The following TTC22 variants were observed in gnomAD, a reference collection of about 807,000 sequenced individuals.
TTC22 encodes tetratricopeptide repeat domain 22.
In TTC22, 42 loss-of-function variants were observed where a neutral mutation model predicts 48.2. The ratio of observed to expected loss-of-function variants is 0.87; its 90% CI spans 0.68 to 1.13. The LOEUF (loss-of-function observed/expected upper bound fraction) is 1.13. Ranked by LOEUF, TTC22 falls within the 50% of genes most tolerant of loss-of-function variation. TTC22 has a pLI of 0.00. For missense variants in TTC22, 784 were observed against 807.0 expected (o/e 0.97, Z 0.34); for synonymous variants, 345 against 365.5 (o/e 0.94, Z 0.64).
At position 54,784,997 on chromosome 1, in the gene TTC22, T is replaced by C. The variant is rs571497085; in HGVS notation, c.1020+986A>G. ...ATGCCTAATATTAAATTAGTAGCAG[T>C]CAGTCTCTTATGAAATCTTACTGTG... On this transcript the variant is annotated intron_variant, in intron 5 of 6. Coordinates refer to ENST00000371276, the MANE Select transcript of TTC22 (RefSeq NM_001114108.2). 3.1e-5 allele frequency: 7 copies of C among 228,914 alleles called. No homozygotes were observed. In the East Asian group the frequency reaches 1.2e-3, roughly 38 times the overall value. The allele number at this position is 228,914 out of a possible 1,614,324, so 14.2% of individuals were successfully genotyped here. A position where few individuals can be genotyped will look rare whatever the true frequency, so the allele number is the denominator to read the frequency against.
At chr1:54,785,902 C>G in intron 5 of TTC22, 81 bp downstream of exon 5, 1 of 1,411,398 alleles carries the variant, frequency 7.1e-7, no homozygotes, top group Non-Finnish European at 9.7e-7. Flanking sequence ...ACCCTTGGGC[C>G]CTGGCAACAG....
intron 1 of TTC22, among the ~76,000 whole-genome samples, chr1:54,797,565 T>A (rs928850820): frequency 1.3e-5 from 2 of 152,076 alleles, no homozygotes; most frequent in African/African-American, 4.8e-5. Flanking sequence ...AGAGAATTGC[T>A]TGAACCCGGG....
chr1:54,781,119 C>G lies in TTC22; in HGVS notation c.*124G>C, dbSNP rs1646257725. 1 of 676,022 alleles carries G rather than the reference C, an allele frequency of 1.5e-6. No homozygotes were observed. The highest frequency in any genetic ancestry group is 2.2e-6 in the Non-Finnish European group (1 of 463,086). 41.9% of individuals were successfully genotyped at this position (676,022 alleles called of 1,614,324 possible). On this transcript the variant is annotated 3_prime_UTR_variant, in exon 7 of 7. Transcript: ENST00000371276. Reference sequence around the variant, plus strand: ...AACATCCCCATTCACAATTCCCGACCAAGAATCGAACTGGCTCCGCTCCCA... The same window carrying G: ...AACATCCCCATTCACAATTCCCGACGAAGAATCGAACTGGCTCCGCTCCCA...
intron 1 of TTC22, among the ~76,000 whole-genome samples, chr1:54,798,399 C>T (rs1049868665): frequency 6.6e-6 from 1 of 152,224 alleles, no homozygotes; most frequent in Non-Finnish European, 1.5e-5. Flanking sequence ...CCGGACTTTC[C>T]AGGTCACTGT....
chr1:54,788,920 G>A (rs1258350158), intron 1 of TTC22, among the ~76,000 whole-genome samples: 1 of 152,220 alleles, frequency 6.6e-6, no homozygotes, highest in Non-Finnish European at 1.5e-5. Flanking sequence ...CCTGCACCCT[G>A]ACCCAAACGC....
At chr1:54,791,322 G>T (rs972685637) in intron 1 of TTC22, among the ~76,000 whole-genome samples, 3 of 152,202 alleles carry the variant, frequency 2.0e-5, no homozygotes, top group Non-Finnish European at 2.9e-5. Context: ...GTAGACTTGA[G>T]GGGTGGGAAA....
intron 4 of TTC22, chr1:54,786,658 G>C (rs546891506): frequency 3.1e-6 from 1 of 325,444 alleles, no homozygotes; most frequent in East Asian, 5.0e-5. Context: ...TATGCCACTG[G>C]GGGTGGAGAG....
chr1:54,801,292 G>A lies in TTC22; in HGVS notation c.-129C>T, dbSNP rs115209534. Reference sequence around the variant, plus strand: ...AGCCGGCAGAGGCCCCGGGCGCTGCGGCCTCTCGGTCTCAGGGCGCCTCCC... The same window carrying A: ...AGCCGGCAGAGGCCCCGGGCGCTGCAGCCTCTCGGTCTCAGGGCGCCTCCC... On this transcript the variant is annotated 5_prime_UTR_variant, in exon 1 of 7. Coordinates refer to ENST00000371276, the MANE Select transcript of TTC22 (RefSeq NM_001114108.2). 1,727 of 971,780 alleles carry A rather than the reference G, an allele frequency of 1.8e-3. 6 individuals are homozygous for A. Among genetic ancestry groups the A allele is most frequent in the African/African-American group, 0.016 (979 of 59,402 alleles). 60.2% of individuals were successfully genotyped at this position (971,780 alleles called of 1,614,324 possible).
intron 4 of TTC22, 106 bp from the exon 5 acceptor site, chr1:54,786,250 C>G: frequency 9.5e-7 from 1 of 1,050,644 alleles, no homozygotes; most frequent in South Asian, 1.5e-5. Context: ...ACAGCCGTAT[C>G]AACATGGTGC....
In TTC22 at chr1:54,785,963, G is replaced by A; in HGVS notation, c.1020+20C>T. The A allele has an allele frequency of 6.2e-7, 1 of 1,605,860 alleles. No individual in the cohort carries two copies. The highest frequency in any genetic ancestry group is 1.1e-5 in the South Asian group (1 of 90,242). ...CTGATTCCCAATGGCAGGGTATGGT[G>A]GGGCAGGAAGTTGACCCACCTTGGC... On this transcript the variant is annotated intron_variant, in intron 5 of 6. Coordinates refer to ENST00000371276, the MANE Select transcript of TTC22 (RefSeq NM_001114108.2).
intron 4 of TTC22, 169 bp downstream of exon 4, chr1:54,786,786 CTT>C (rs1029499649): frequency 2.3e-6 from 1 of 428,216 alleles, no homozygotes; most frequent in Non-Finnish European, 4.1e-6. Context: ...GGGAGGGTCT[CTT>C]TTGTTTTGAA....
Position 54,781,581 on chromosome 1 carries a change from C to A in TTC22, c.1372G>T (p.Ala458Ser), listed in dbSNP as rs1268695337. ...GAGCCCGCGTCGTCCAGCTCCACTG[C>A]GCGCTTGAAGCAGGCGGCCGCGTTG... Reference protein sequence around the residue: ...DANAAACFKRAVELDDAGSSH... With the variant: ...DANAAACFKRSVELDDAGSSH... Residue 458 changes from alanine (A) to serine (S), a missense_variant, in exon 7 of 7, where the codon GCA (alanine) becomes TCA (serine). Physicochemically the swap from Ala to Ser is moderately conservative, Grantham distance 99 (BLOSUM62 1). Coordinates refer to ENST00000371276, the MANE Select transcript of TTC22 (RefSeq NM_001114108.2). 4.6e-6 allele frequency: 7 copies of A among 1,524,020 alleles called. No homozygotes were observed. The Admixed American group carries it at 6.0e-5, about 13-fold the overall frequency. 94.4% of individuals were successfully genotyped at this position (1,524,020 alleles called of 1,614,324 possible).
rs2101434058 is a variant in TTC22 at position 54,781,083 on chromosome 1, G to C, written c.*160C>G. The stretch of plus-strand genomic sequence containing the variant: ...AGTCTGGGTGGGCGTTTCAAACCGC[G>C]CGGGTGTCGCAACATCCCCATTCAC... On this transcript the variant is annotated 3_prime_UTR_variant, in exon 7 of 7. Transcript: ENST00000371276. The C allele has an allele frequency of 2.1e-6, 1 of 487,340 alleles. No homozygotes were observed. 30.2% of individuals were successfully genotyped at this position (487,340 alleles called of 1,614,324 possible).
intron 5 of TTC22, 103 bp downstream of exon 5, chr1:54,785,880 G>T: frequency 9.0e-7 from 1 of 1,111,044 alleles, no homozygotes; most frequent in Non-Finnish European, 1.3e-6. Flanking sequence ...CTTCCACCAT[G>T]AGGACTCCCT....
In TTC22 at chr1:54,786,038, A is replaced by C. The variant is rs777081813; in HGVS notation, c.965T>G (p.Leu322Arg). The change falls in exon 5 of 7, where the codon CTG (leucine) becomes CGG (arginine). Residue 322 changes from leucine to arginine, a missense_variant. Physicochemically the swap from Leu to Arg is moderately radical, Grantham distance 102 (BLOSUM62 -2). Transcript: ENST00000371276. ...DMAIGTCNMA[L>R]DVLRDPELNW... ...GAGTTCTGGATCTCGTAGGACATCC[A>C]GGGCCATGTTGCAGGTTCCAATGGC... 2 of 1,614,002 alleles carry C rather than the reference A, an allele frequency of 1.2e-6. No individual in the cohort carries two copies. Among genetic ancestry groups the C allele is most frequent in the Non-Finnish European group, 8.5e-7 (1 of 1,180,010 alleles).
rs1349781460 is a variant in TTC22, at chr1:54,781,171, C to T, written c.*72G>A. 8.7e-7 allele frequency: 1 copy of T among 1,155,886 alleles called. No individual in the cohort carries two copies. The highest frequency in any genetic ancestry group is 1.1e-6 in the Non-Finnish European group (1 of 881,202). 71.6% of individuals were successfully genotyped at this position (1,155,886 alleles called of 1,614,324 possible). ...GTCAGCCTAAGGCAGGGAGTCCATCCGGACCTGGTCCCATCAGCTGGGCGG... is the reference window on the plus strand; with the variant it reads ...GTCAGCCTAAGGCAGGGAGTCCATCTGGACCTGGTCCCATCAGCTGGGCGG... On this transcript the variant is annotated 3_prime_UTR_variant, in exon 7 of 7. Transcript: ENST00000371276.
rs776650859 is a variant in TTC22 at position 54,788,092 on chromosome 1, C to T, written c.573G>A (p.Pro191=). The change falls in exon 2 of 7, where the codon CCG becomes CCA. Residue 191 remains proline, a synonymous_variant. Transcript: ENST00000371276. ...DKALGYGQQI[P]MEEKRGWYFT... ...AATACCAGCCCCTTTTCTCCTCCAT[C>T]GGGATCTAGGGAAACAGAGAACAGC... The T allele has an allele frequency of 2.1e-5, 34 of 1,613,898 alleles. No homozygotes were observed. In the Admixed American group the frequency reaches 4.3e-4, roughly 21 times the overall value.
At chr1:54,787,327 C>T (rs1646312062) in intron 3 of TTC22, 1 of 553,018 alleles carries the variant, frequency 1.8e-6, no homozygotes, top group Non-Finnish European at 3.2e-6. Context: ...ACGTAGGTCT[C>T]TTCTGACTTC....
chr1:54,795,871 G>C (rs1318145822), intron 1 of TTC22, among the ~76,000 whole-genome samples: 1 of 152,218 alleles, frequency 6.6e-6, no homozygotes, highest in African/African-American at 2.4e-5. Flanking sequence ...GACCACATAA[G>C]GCTGGAGCCA....
Sources: gnomAD v4.1 joint callset for allele counts (sites outside exome capture counted in the v4.1 genomes callset) on GRCh38, gnomAD v4.1.1 for gene constraint, MANE v1.5 for transcripts, NCBI Gene and HGNC (gene_info 2026-07-23, HGNC 2026-07-21) for gene names.